RABGAP1L: variants seen among roughly 807,000 people sequenced by gnomAD.
RABGAP1L encodes the protein RAB GTPase activating protein 1 like, also known as rab GTPase-activating protein 1-like.
In RABGAP1L, 63 loss-of-function variants were observed where a neutral mutation model predicts 137.7. That is an observed-to-expected ratio of 0.46 (90% confidence interval 0.37 to 0.56). The LOEUF is 0.56. Ranked by LOEUF, RABGAP1L falls within the 20% of genes least tolerant of loss-of-function variation. RABGAP1L has a pLI of 0.00. For missense variants in RABGAP1L, 1,095 were observed against 1,244.0 expected (o/e 0.88, Z 1.80); for synonymous variants, 431 against 433.7 (o/e 0.99, Z 0.08).
chr1:174,447,882 C>G (rs1409556843), intron 13 of RABGAP1L, among the ~76,000 whole-genome samples: 1 of 101,326 alleles, frequency 9.9e-6, no homozygotes, highest in Non-Finnish European at 1.9e-5. Context: ...TTCTCTCCAC[C>G]CCTTACCGCC....
chr1:174,720,097 G>A (rs1681371962), intron 17 of RABGAP1L, among the ~76,000 whole-genome samples: 1 of 152,100 alleles, frequency 6.6e-6, no homozygotes, highest in Admixed American at 6.5e-5. Flanking sequence ...TAATGGCATA[G>A]GTGTAAATCT....
chr1:174,879,988 G>C (rs1033383600), intron 19 of RABGAP1L, among the ~76,000 whole-genome samples: 4 of 151,498 alleles, frequency 2.6e-5, no homozygotes, highest in Non-Finnish European at 5.9e-5. Context: ...AGCTACTCAG[G>C]AGACTGAGGC....
chr1:174,787,730 C>T (rs978724766), intron 18 of RABGAP1L, among the ~76,000 whole-genome samples: 4 of 151,776 alleles, frequency 2.6e-5, no homozygotes, highest in Admixed American at 6.6e-5. Context: ...AATTTGGAGG[C>T]GAAAAGACTG....
intron 17 of RABGAP1L, among the ~76,000 whole-genome samples, chr1:174,716,563 G>T (rs1271899156): frequency 1.3e-5 from 2 of 152,196 alleles, no homozygotes; most frequent in African/African-American, 4.8e-5. Flanking sequence ...GTTTGCATTT[G>T]TTAAAAAAGA....
intron 14 of RABGAP1L, among the ~76,000 whole-genome samples, chr1:174,674,995 G>T (rs1159012553): frequency 0.016 from 1,985 of 125,150 alleles, no homozygotes; most frequent in South Asian, 0.021. Flanking sequence ...TTAGCCCTTT[G>T]TCAGATGAGT....
intron 14 of RABGAP1L, among the ~76,000 whole-genome samples, chr1:174,669,106 C>T (rs1232131018): frequency 6.6e-6 from 1 of 152,062 alleles, no homozygotes; most frequent in Admixed American, 6.6e-5. Flanking sequence ...CACAGTTCAG[C>T]ATGGTGGGGA....
rs1301881967 is a variant in RABGAP1L, at chr1:174,195,794, TTTCTTTCTTTCTTTCTATCC to T, written c.-33-23318_-33-23299del. Among the ~76,000 whole-genome samples, 39 of 142,462 alleles carry T rather than the reference TTTCTTTCTTTCTTTCTATCC, an allele frequency of 2.7e-4. No individual in the cohort carries two copies. In the East Asian group the frequency reaches 5.2e-3, roughly 19 times the overall value. The allele number at this position is 142,462 out of a possible 152,430, so 93.5% of individuals were successfully genotyped here. On this transcript the variant is annotated intron_variant, in intron 1 of 25. Coordinates refer to ENST00000681986, the MANE Select transcript of RABGAP1L (RefSeq NM_001366446.1). ...CTCTTTCCTTTCTTTCTTTTCTTTC[TTTCTTTCTTTCTTTCTATCC>T]TTCTTTCTTTCTATCCTTCTTCTTC...
chr1:174,961,845 CA>C (rs61233451), intron 20 of RABGAP1L, among the ~76,000 whole-genome samples: 1,012 of 88,614 alleles, frequency 0.011, 4 homozygotes, highest in Non-Finnish European at 0.016. Context: ...GACTCTGTCT[CA>C]AAAAAAAAAA....
chr1:174,678,302 T>C (rs2771401), intron 14 of RABGAP1L, among the ~76,000 whole-genome samples: 56,218 of 152,036 alleles, frequency 0.37, 13,642 homozygotes, highest in African/African-American at 0.69. Context: ...GAAGAATTAA[T>C]ACCAGTCTTA....
intron 5 of RABGAP1L, chr1:174,246,168 A>G (rs1053296926): frequency 6.6e-6 from 1 of 152,204 alleles, no homozygotes; most frequent in Non-Finnish European, 1.5e-5. Context: ...CGCCGCAGTT[A>G]AGATTTTGGT....
chr1:174,957,723 CTTTTTTT>C (rs34143059), intron 20 of RABGAP1L, 174 bp downstream of exon 20: 164 of 505,834 alleles, frequency 3.2e-4, no homozygotes, highest in Middle Eastern at 9.8e-4. Context: ...AGCAAAGTAC[CTTTTTTT>C]TTTTTTTTTT....
At chr1:174,282,108 G>A (rs571707265) in intron 10 of RABGAP1L, among the ~76,000 whole-genome samples, 21 of 152,266 alleles carry the variant, frequency 1.4e-4, no homozygotes, top group African/African-American at 4.8e-4. Flanking sequence ...GGTTCATGTG[G>A]TTAATTAAAG....
At chr1:174,325,994 G>T (rs552515056) in intron 11 of RABGAP1L, among the ~76,000 whole-genome samples, 2 of 152,188 alleles carry the variant, frequency 1.3e-5, no homozygotes, top group Non-Finnish European at 2.9e-5. Context: ...TGTGAGACTC[G>T]TGTCTAACCT....
intron 13 of RABGAP1L, among the ~76,000 whole-genome samples, chr1:174,456,742 G>A (rs1379742342): frequency 1.3e-5 from 2 of 152,094 alleles, no homozygotes; most frequent in Admixed American, 1.3e-4. Flanking sequence ...CTTTCTTTAA[G>A]TCGTTTCTAG....
chr1:174,269,004 A>G (rs1275363071), intron 7 of RABGAP1L, among the ~76,000 whole-genome samples: 1 of 151,672 alleles, frequency 6.6e-6, no homozygotes, highest in Non-Finnish European at 1.5e-5. Context: ...CTCGGCTCAC[A>G]CAAGCTTCGG....
At chr1:174,988,509 AAAT>A in intron 24 of RABGAP1L, 129 bp from the exon 25 acceptor site, 1 of 826,610 alleles carries the variant, frequency 1.2e-6, no homozygotes, top group Non-Finnish European at 1.7e-6. Context: ...AGCACAAGAA[AAAT>A]AATTAACCTT....
intron 13 of RABGAP1L, among the ~76,000 whole-genome samples, chr1:174,578,647 A>AGAAC: frequency 6.6e-6 from 1 of 152,206 alleles, no homozygotes; most frequent in Non-Finnish European, 1.5e-5. Flanking sequence ...ACAAAATATA[A>AGAAC]ATAAACTGAT....
intron 7 of RABGAP1L, among the ~76,000 whole-genome samples, chr1:174,257,543 C>G (rs963879766): frequency 1.3e-5 from 2 of 152,132 alleles, no homozygotes; most frequent in Non-Finnish European, 2.9e-5. Context: ...CCCTTATATT[C>G]ATACAACAAT....
At chr1:174,169,964 G>A (rs1051421991) in intron 1 of RABGAP1L, among the ~76,000 whole-genome samples, 1 of 152,158 alleles carries the variant, frequency 6.6e-6, no homozygotes, top group Non-Finnish European at 1.5e-5. Flanking sequence ...AATTACAGAT[G>A]TGAGCCACTA....
Sources: allele counts gnomAD v4.1 joint callset (sites outside exome capture counted in the v4.1 genomes callset), GRCh38; gene constraint gnomAD v4.1.1; transcripts MANE v1.5; gene names NCBI Gene and HGNC (gene_info 2026-07-23, HGNC 2026-07-21).